FAM184B: variants seen among roughly 807,000 people sequenced by gnomAD.
FAM184B encodes the protein family with sequence similarity 184 member B, also known as protein FAM184B.
Under a neutral mutation model 135.9 loss-of-function variants are expected in FAM184B, and 111 were observed. That is an observed-to-expected ratio of 0.82 (90% CI 0.70 to 0.96). FAM184B has a LOEUF of 0.96. FAM184B is among the 40% of genes least tolerant of loss of function. The pLI, the probability that FAM184B is intolerant of heterozygous loss-of-function variation, is 0.00. For synonymous variants in FAM184B, 552 were observed against 524.8 expected (o/e 1.05, Z -0.71); for missense variants, 1,375 against 1,323.9 (o/e 1.04, Z -0.60).
At chr4:17,773,159 T>A (rs1718855075) in intron 1 of FAM184B, among the ~76,000 whole-genome samples, 1 of 152,198 alleles carries the variant, frequency 6.6e-6, no homozygotes, top group African/African-American at 2.4e-5. Context: ...ACTGACACCC[T>A]CCCGGGTCTC....
At chr4:17,641,297 A>C (rs1304324024) in intron 13 of FAM184B, among the ~76,000 whole-genome samples, 1 of 151,928 alleles carries the variant, frequency 6.6e-6, no homozygotes, top group Non-Finnish European at 1.5e-5. Flanking sequence ...TAACTCACCC[A>C]ACCTCACACA....
chr4:17,725,986 C>A lies in FAM184B; in HGVS notation c.142-16342G>T, dbSNP rs1174422376. Among the ~76,000 whole-genome samples the A allele has an allele frequency of 2.6e-5, 4 of 151,244 alleles. No individual in the cohort carries two copies. In the East Asian group the frequency reaches 7.8e-4, roughly 30 times the overall value. ...TCACCCAGGCTGGAGTGCAGTGGCG[C>A]CATCTCTGCTCACTGTAAGCTCCGC... On this transcript the variant is annotated intron_variant, in intron 1 of 17. Coordinates refer to ENST00000265018, the MANE Select transcript of FAM184B (RefSeq NM_015688.2).
intron 1 of FAM184B, among the ~76,000 whole-genome samples, chr4:17,737,840 A>G (rs531169824): frequency 2.0e-5 from 3 of 152,224 alleles, no homozygotes; most frequent in South Asian, 2.1e-4. Context: ...CAACCAACCA[A>G]CTTCCATTTA....
intron 14 of FAM184B, among the ~76,000 whole-genome samples, chr4:17,637,356 AAG>A (rs1715174566): frequency 6.6e-6 from 1 of 152,146 alleles, no homozygotes. Context: ...GAAGCCAGAG[AAG>A]AGTAACTGGG....
chr4:17,647,551 A>T, intron 12 of FAM184B, 86 bp downstream of exon 12: 4 of 1,451,054 alleles, frequency 2.8e-6, no homozygotes, highest in Non-Finnish European at 2.8e-6. Context: ...ACTCAGCCTC[A>T]GAGCCCATCC....
intron 1 of FAM184B, among the ~76,000 whole-genome samples, chr4:17,713,529 A>G (rs901038114): frequency 1.3e-5 from 2 of 152,232 alleles, no homozygotes; most frequent in Non-Finnish European, 2.9e-5. Context: ...AACAGATACC[A>G]TTTTAATCAA....
intron 5 of FAM184B, among the ~76,000 whole-genome samples, chr4:17,702,258 A>T (rs945895595): frequency 1.3e-5 from 2 of 152,202 alleles, no homozygotes; most frequent in African/African-American, 2.4e-5. Flanking sequence ...TAAGTGATAC[A>T]AATGAGAATT....
intron 1 of FAM184B, among the ~76,000 whole-genome samples, chr4:17,748,320 G>A (rs1718220589): frequency 6.6e-6 from 1 of 151,664 alleles, no homozygotes; most frequent in Non-Finnish European, 1.5e-5. Flanking sequence ...CCCCCCACCT[G>A]CCTCGAAAAG....
At chr4:17,634,953 G>C in intron 16 of FAM184B, 56 bp downstream of exon 16, 2 of 1,317,752 alleles carry the variant, frequency 1.5e-6, no homozygotes, top group Non-Finnish European at 2.1e-6. Context: ...TTACCTTTAA[G>C]AAAAACGAAA....
rs191212193 is a variant in FAM184B at position 17,662,555 on chromosome 4, C to G, written c.1694+2007G>C. On this transcript the variant is annotated intron_variant, in intron 8 of 17. Transcript: ENST00000265018. ...GTTTCACCATGTTGGCCAGGCTGGT[C>G]TTGAACTCCTGTCCTCAGGTGATCC... Among the ~76,000 whole-genome samples the G allele has an allele frequency of 2.5e-4, 38 of 152,182 alleles. 1 individual carries two copies. The highest frequency in any genetic ancestry group is 9.2e-4 in the African/African-American group (38 of 41,512).
intron 12 of FAM184B, among the ~76,000 whole-genome samples, chr4:17,645,437 T>C (rs912666722): frequency 6.6e-6 from 1 of 152,124 alleles, no homozygotes; most frequent in African/African-American, 2.4e-5. Context: ...TCTGCAACTA[T>C]CTGATCTTTG....
intron 7 of FAM184B, among the ~76,000 whole-genome samples, chr4:17,682,318 G>A (rs565445728): frequency 6.6e-6 from 1 of 152,126 alleles, no homozygotes; most frequent in African/African-American, 2.4e-5. Flanking sequence ...GAGACTGGCA[G>A]GGAGAGACCA....
At chr4:17,711,078 C>A (rs578172996) in intron 1 of FAM184B, among the ~76,000 whole-genome samples, 44 of 152,148 alleles carry the variant, frequency 2.9e-4, no homozygotes, top group African/African-American at 1.0e-3. Context: ...TGAAGCCAGG[C>A]ACAGTGGCTC....
At chr4:17,638,982 G>A (rs371081551) in intron 14 of FAM184B, among the ~76,000 whole-genome samples, 7 of 152,044 alleles carry the variant, frequency 4.6e-5, no homozygotes, top group African/African-American at 1.4e-4. Flanking sequence ...GATTACAGGC[G>A]TGTGCCACCA....
At chr4:17,725,177 G>A (rs1717612989) in intron 1 of FAM184B, among the ~76,000 whole-genome samples, 1 of 152,150 alleles carries the variant, frequency 6.6e-6, no homozygotes, top group East Asian at 1.9e-4. Flanking sequence ...GAACTAGTAG[G>A]GACTGTTTGT....
At chr4:17,733,737 G>C (rs1199378635) in intron 1 of FAM184B, among the ~76,000 whole-genome samples, 1 of 152,098 alleles carries the variant, frequency 6.6e-6, no homozygotes, top group African/African-American at 2.4e-5. Context: ...TCAATATCGT[G>C]AAAATGGCCA....
chr4:17,731,663 C>A (rs577379930), intron 1 of FAM184B, among the ~76,000 whole-genome samples: 1 of 152,222 alleles, frequency 6.6e-6, no homozygotes, highest in African/African-American at 2.4e-5. Context: ...TACAGGAGCA[C>A]TCAGATTCAC....
intron 1 of FAM184B, among the ~76,000 whole-genome samples, chr4:17,774,399 A>G (rs1718879106): frequency 6.6e-6 from 1 of 150,936 alleles, no homozygotes; most frequent in South Asian, 2.1e-4. Flanking sequence ...CAAACAAACA[A>G]AATCCAGCTG....
intron 1 of FAM184B, among the ~76,000 whole-genome samples, chr4:17,744,035 G>A (rs1201447281): frequency 6.6e-6 from 1 of 152,154 alleles, no homozygotes; most frequent in Non-Finnish European, 1.5e-5. Context: ...TCAGGGGACT[G>A]CTCTCAGCTC....
Sources: gnomAD v4.1 joint callset for allele counts (sites outside exome capture counted in the v4.1 genomes callset) on GRCh38, gnomAD v4.1.1 for gene constraint, MANE v1.5 for transcripts, NCBI Gene and HGNC (gene_info 2026-07-23, HGNC 2026-07-21) for gene names.